The following PTPRT variants were observed in gnomAD, a reference collection of about 807,000 sequenced individuals.
PTPRT encodes receptor-type tyrosine-protein phosphatase T.
A neutral mutation model predicts 176.8 loss-of-function variants in PTPRT; 56 were observed. That is an observed-to-expected ratio of 0.32 (90% CI 0.26 to 0.40). The LOEUF (loss-of-function observed/expected upper bound fraction) is 0.40, where lower values mean the gene tolerates loss of function less well. Among genes scored for constraint, PTPRT ranks in the 10% least tolerant of loss-of-function variants. The pLI is 1.00. For missense variants in PTPRT, 1,540 were observed against 1,908.2 expected, an observed-to-expected ratio of 0.81 and a Z score of 3.60; for synonymous variants, 783 against 739.0, an observed-to-expected ratio of 1.06 and a Z score of -0.96.
At position 42,885,818 on chromosome 20, in the gene PTPRT, G is replaced by C; in HGVS notation, c.203C>G (p.Ala68Gly). The change falls in exon 2 of 31, where the codon GCA becomes GGA. Residue 68 changes from alanine to glycine, a missense_variant. By Grantham distance (60) the Ala-to-Gly change is moderately conservative (BLOSUM62 0). Transcript: ENST00000373187. ...GATGGATCACATACCTGTGGGCACT[G>C]CCTGGTCCAGCATTGGTTTCTCCCA... ...NTWEKPMLDQ[A>G]VPTGSFMMVN... The C allele has an allele frequency of 6.2e-7, 1 of 1,606,666 alleles. No individual in the cohort carries two copies. The highest frequency in any genetic ancestry group is 1.7e-4 in the Middle Eastern group (1 of 5,908).
intron 16 of PTPRT, among the ~76,000 whole-genome samples, chr20:42,196,383 G>A (rs556910636): frequency 6.6e-6 from 1 of 151,890 alleles, no homozygotes; most frequent in Admixed American, 6.6e-5. Context: ...TATTTATGGG[G>A]TATAGTGTGA....
At chr20:42,161,324 GA>G (rs1229449571) in intron 17 of PTPRT, 27 bp downstream of exon 17, 1 of 1,612,366 alleles carries the variant, frequency 6.2e-7, no homozygotes. Flanking sequence ...AAACTATCAG[GA>G]AGTTTCCCCA....
chr20:42,440,759 G>A (rs767796888), intron 9 of PTPRT, among the ~76,000 whole-genome samples: 6 of 152,326 alleles, frequency 3.9e-5, no homozygotes, highest in Middle Eastern at 3.4e-3. Context: ...TTACAGGCGT[G>A]AGCCACCATG....
At chr20:42,788,894 A>C (rs2077332616) in intron 3 of PTPRT, among the ~76,000 whole-genome samples, 1 of 152,168 alleles carries the variant, frequency 6.6e-6, no homozygotes, top group African/African-American at 2.4e-5. Context: ...TGTGGAGCCA[A>C]GTGGTTAAGA....
intron 12 of PTPRT, among the ~76,000 whole-genome samples, chr20:42,287,820 T>C (rs1342690339): frequency 2.0e-5 from 3 of 151,884 alleles, no homozygotes; most frequent in African/African-American, 7.2e-5. Flanking sequence ...AAAACATCAC[T>C]ATGTATCCCA....
chr20:42,288,983 AC>A (rs2147079696), intron 12 of PTPRT, among the ~76,000 whole-genome samples: 2 of 152,128 alleles, frequency 1.3e-5, no homozygotes, highest in East Asian at 3.9e-4. Context: ...CACACCTACA[AC>A]CAACTGATCT....
At chr20:42,903,109 CAT>C (rs777500820) in intron 1 of PTPRT, among the ~76,000 whole-genome samples, 4 of 152,204 alleles carry the variant, frequency 2.6e-5, no homozygotes, top group African/African-American at 9.7e-5. Flanking sequence ...ATGCAATAAA[CAT>C]GTGCCTAAGG....
intron 1 of PTPRT, among the ~76,000 whole-genome samples, chr20:43,055,585 C>T (rs976586191): frequency 6.6e-5 from 10 of 152,110 alleles, no homozygotes; most frequent in African/African-American, 1.7e-4. Flanking sequence ...TTCTCTGAAA[C>T]GGTAGTGGAA....
chr20:42,352,162 AGGT>A lies in PTPRT; in HGVS notation c.1681_1683del (p.Thr561del). The stretch of plus-strand genomic sequence containing the variant: ...GTGCTGGCCTTGATGGTGAAGGAAT[AGGT>A]GGTCCCTGGGTACAGACCCACAAAG... On this transcript the variant is annotated inframe_deletion, in exon 10 of 31. Transcript: ENST00000373187. 1.2e-6 allele frequency: 2 copies of A among 1,614,180 alleles called. No individual in the cohort carries two copies. Among genetic ancestry groups the A allele is most frequent in the Non-Finnish European group, 1.7e-6 (2 of 1,180,028 alleles).
chr20:42,883,140 G>C (rs2079032789), intron 2 of PTPRT, among the ~76,000 whole-genome samples: 1 of 152,290 alleles, frequency 6.6e-6, no homozygotes, highest in South Asian at 2.1e-4. Context: ...GCTGGGTAGA[G>C]ACAAGGAAGA....
At position 42,161,970 on chromosome 20, in the gene PTPRT, C is replaced by G. The variant is rs1181431589; in HGVS notation, c.2492-428G>C. 3.3e-5 allele frequency among the ~76,000 whole-genome samples: 5 copies of G among 152,244 alleles called. No homozygotes were observed. In the South Asian group the frequency reaches 1.0e-3, roughly 32 times the overall value. On this transcript the variant is annotated intron_variant, in intron 16 of 30. Transcript: ENST00000373187. ...AGAGCCTCAGGTGGCCTCAGGTACTCGAAGATTGGAGTCACATGTATAATT... is the reference window on the plus strand; with the variant it reads ...AGAGCCTCAGGTGGCCTCAGGTACTGGAAGATTGGAGTCACATGTATAATT...
At chr20:42,386,094 C>T (rs1453363639) in intron 9 of PTPRT, among the ~76,000 whole-genome samples, 1 of 152,142 alleles carries the variant, frequency 6.6e-6, no homozygotes, top group Non-Finnish European at 1.5e-5. Flanking sequence ...ATTTTACTCA[C>T]ACACACGATG....
intron 9 of PTPRT, among the ~76,000 whole-genome samples, chr20:42,429,546 A>C (rs2059196805): frequency 6.6e-6 from 1 of 152,104 alleles, no homozygotes; most frequent in South Asian, 2.1e-4. Context: ...AACAGAAGGC[A>C]AGGCAACACA....
intron 2 of PTPRT, among the ~76,000 whole-genome samples, chr20:42,885,109 G>T (rs2079081009): frequency 6.7e-6 from 1 of 148,660 alleles, no homozygotes; most frequent in African/African-American, 2.5e-5. Context: ...AGAATGTCAG[G>T]ATGTTTACCT....
At chr20:43,021,661 A>G (rs1028298906) in intron 1 of PTPRT, among the ~76,000 whole-genome samples, 2 of 152,134 alleles carry the variant, frequency 1.3e-5, no homozygotes, top group African/African-American at 2.4e-5. Context: ...AACAGAAGAG[A>G]TACAGACAGT....
intron 5 of PTPRT, among the ~76,000 whole-genome samples, chr20:42,770,002 T>C (rs1457342061): frequency 6.6e-6 from 1 of 152,214 alleles, no homozygotes; most frequent in African/African-American, 2.4e-5. Flanking sequence ...GGGACGGAAC[T>C]TTGGACGCCA....
intron 15 of PTPRT, among the ~76,000 whole-genome samples, chr20:42,233,029 C>G (rs911344686): frequency 6.6e-6 from 1 of 152,008 alleles, no homozygotes; most frequent in Non-Finnish European, 1.5e-5. Context: ...TTGGGCCTTA[C>G]GCTTTTCTCC....
At chr20:42,792,923 C>T (rs1336029406) in intron 2 of PTPRT, among the ~76,000 whole-genome samples, 2 of 152,298 alleles carry the variant, frequency 1.3e-5, no homozygotes, top group East Asian at 3.9e-4. Flanking sequence ...GAGTTCAAAA[C>T]CTCCACGTTA....
At chr20:42,067,042 G>A in the PTPRT span, among the ~76,000 whole-genome samples, 1 of 152,100 alleles carries the variant, frequency 6.6e-6, no homozygotes, top group Admixed American at 6.6e-5. Flanking sequence ...TTGAACTCCT[G>A]CATCTTTTCA....
Sources: gnomAD v4.1 joint callset for allele counts (sites outside exome capture counted in the v4.1 genomes callset) on GRCh38, gnomAD v4.1.1 for gene constraint, MANE v1.5 for transcripts, NCBI Gene and HGNC (gene_info 2026-07-23, HGNC 2026-07-21) for gene names.